GNAQ: variants seen among roughly 807,000 people sequenced by gnomAD.
The protein encoded by GNAQ is guanine nucleotide-binding protein G(q) subunit alpha.
A neutral mutation model predicts 43.9 loss-of-function variants in GNAQ; 8 were observed. The ratio of observed to expected loss-of-function variants is 0.18; its 90% CI spans 0.11 to 0.33. GNAQ has a LOEUF of 0.33. Ranked by LOEUF, GNAQ falls within the 10% of genes least tolerant of loss-of-function variation. GNAQ has a pLI of 1.00. For missense variants in GNAQ, 158 were observed against 450.8 expected, an observed-to-expected ratio of 0.35 and a Z score of 5.88; for synonymous variants, 155 against 170.7, an observed-to-expected ratio of 0.91 and a Z score of 0.71.
chr9:78,027,028 A>G (rs1240536372), intron 1 of GNAQ, among the ~76,000 whole-genome samples: 2 of 152,192 alleles, frequency 1.3e-5, no homozygotes, highest in African/African-American at 4.8e-5. Flanking sequence ...TAGCCTCTAC[A>G]CAATAAAAAG....
At chr9:77,854,332 GT>G (rs1827718478) in intron 2 of GNAQ, among the ~76,000 whole-genome samples, 1 of 152,128 alleles carries the variant, frequency 6.6e-6, no homozygotes, top group South Asian at 2.1e-4. Context: ...CCTACTTACT[GT>G]TTAGGAATTA....
intron 6 of GNAQ, among the ~76,000 whole-genome samples, chr9:77,728,000 T>G (rs902614331): frequency 6.7e-6 from 1 of 149,714 alleles, no homozygotes; most frequent in Admixed American, 6.8e-5. Flanking sequence ...GATGAGTTTC[T>G]TTTCTTTTTT....
At chr9:77,971,085 T>C (rs184394513) in intron 1 of GNAQ, among the ~76,000 whole-genome samples, 74 of 152,270 alleles carry the variant, frequency 4.9e-4, no homozygotes, top group Non-Finnish European at 8.2e-4. Context: ...CAGGAAGAAG[T>C]TGAATCCCTG....
At chr9:77,922,367 C>A (rs765029863) in intron 1 of GNAQ, 22 bp from the exon 2 acceptor site, 20 of 1,566,684 alleles carry the variant, frequency 1.3e-5, no homozygotes, top group Admixed American at 1.7e-5. Flanking sequence ...ACAATAGCAG[C>A]TCATCAGACC....
intron 1 of GNAQ, among the ~76,000 whole-genome samples, chr9:78,001,087 G>A (rs1196582625): frequency 6.6e-6 from 1 of 152,084 alleles, no homozygotes; most frequent in East Asian, 1.9e-4. Flanking sequence ...AGGAACTAAG[G>A]GCCTTGGGTT....
At position 77,768,469 on chromosome 9, in the gene GNAQ, A is replaced by G. The variant is rs143200558; in HGVS notation, c.735+25994T>C. Reference sequence around the variant, plus strand: ...TGTCTCCACCTAAGCTTGATGTTCAAGTGAAATACTGTGGAAGAAACACTG... The same window carrying G: ...TGTCTCCACCTAAGCTTGATGTTCAGGTGAAATACTGTGGAAGAAACACTG... On this transcript the variant is annotated intron_variant, in intron 5 of 6. Coordinates refer to ENST00000286548, the MANE Select transcript of GNAQ (RefSeq NM_002072.5). Among the ~76,000 whole-genome samples the G allele has an allele frequency of 1.7e-3, 260 of 152,324 alleles. 1 individual carries two copies. The highest frequency in any genetic ancestry group is 5.8e-3 in the African/African-American group (243 of 41,566).
At chr9:77,958,854 C>A (rs552819317) in intron 1 of GNAQ, among the ~76,000 whole-genome samples, 5 of 152,244 alleles carry the variant, frequency 3.3e-5, no homozygotes, top group Admixed American at 6.5e-5. Flanking sequence ...GATTTCAACC[C>A]CAAAACTAGC....
intron 2 of GNAQ, among the ~76,000 whole-genome samples, chr9:77,826,145 G>A (rs1257398643): frequency 6.6e-6 from 1 of 152,148 alleles, no homozygotes; most frequent in African/African-American, 2.4e-5. Flanking sequence ...AATAATGAGA[G>A]AGTACATATA....
At chr9:77,950,240 G>T (rs1041057703) in intron 1 of GNAQ, among the ~76,000 whole-genome samples, 16 of 152,146 alleles carry the variant, frequency 1.1e-4, no homozygotes, top group Non-Finnish European at 7.4e-5. Flanking sequence ...TCCTTACAAA[G>T]GGAATCTCCC....
At chr9:77,865,218 A>G (rs577029478) in intron 2 of GNAQ, among the ~76,000 whole-genome samples, 32 of 152,334 alleles carry the variant, frequency 2.1e-4, no homozygotes, top group African/African-American at 7.5e-4. Context: ...TCAGATCAAG[A>G]GTCAGTATAA....
Position 77,721,532 on chromosome 9 carries a change from G to A in GNAQ, c.890-19C>T. On this transcript the variant is annotated intron_variant, in intron 6 of 6. Coordinates refer to ENST00000286548, the MANE Select transcript of GNAQ (RefSeq NM_002072.5). ...TGGGGTCCTTTCGGCCAAGAGACAA[G>A]AGGGACACTTTGTTACCTAATCTGC... is the stretch of plus-strand genomic sequence containing the variant. 6.6e-7 allele frequency: 1 copy of A among 1,506,352 alleles called. No individual in the cohort carries two copies. Among genetic ancestry groups the A allele is most frequent in the Non-Finnish European group, 9.2e-7 (1 of 1,089,066 alleles). 93.3% of individuals were successfully genotyped at this position (1,506,352 alleles called of 1,614,324 possible).
chr9:77,868,304 TA>T (rs1827980506), intron 2 of GNAQ, among the ~76,000 whole-genome samples: 1 of 152,224 alleles, frequency 6.6e-6, no homozygotes, highest in African/African-American at 2.4e-5. Flanking sequence ...ACATGTGCAA[TA>T]ATCCTTTTCA....
At chr9:77,736,329 G>A (rs1031448764) in intron 5 of GNAQ, among the ~76,000 whole-genome samples, 2 of 152,130 alleles carry the variant, frequency 1.3e-5, no homozygotes, top group African/African-American at 4.8e-5. Context: ...GGTGGAGTGA[G>A]AAATAATTAA....
intron 6 of GNAQ, among the ~76,000 whole-genome samples, chr9:77,728,073 C>T (rs113695698): frequency 1.3e-5 from 2 of 152,178 alleles, no homozygotes; most frequent in African/African-American, 4.8e-5. Flanking sequence ...TGGCTCACTG[C>T]AACCTCCGCC....
intron 1 of GNAQ, among the ~76,000 whole-genome samples, chr9:78,025,769 T>C (rs1312194254): frequency 6.6e-6 from 1 of 152,184 alleles, no homozygotes; most frequent in Non-Finnish European, 1.5e-5. Context: ...TTTCTACTAA[T>C]ATTAACAGAA....
At position 77,973,426 on chromosome 9, in the gene GNAQ, G is replaced by C. The variant is rs1478802657; in HGVS notation, c.137-51081C>G. Reference sequence around the variant, plus strand: ...TCTCCCAAAAAAGCAGGTCTAACGTGTATGGAAAATGCTGTCAGCAGAAGG... The same window carrying C: ...TCTCCCAAAAAAGCAGGTCTAACGTCTATGGAAAATGCTGTCAGCAGAAGG... On this transcript the variant is annotated intron_variant, in intron 1 of 6. Coordinates refer to ENST00000286548, the MANE Select transcript of GNAQ (RefSeq NM_002072.5). 3.9e-5 allele frequency among the ~76,000 whole-genome samples: 6 copies of C among 152,182 alleles called. No homozygotes were observed. The East Asian group carries it at 1.2e-3, about 29-fold the overall frequency.
intron 3 of GNAQ, among the ~76,000 whole-genome samples, chr9:77,799,891 C>G (rs1403721626): frequency 6.6e-6 from 1 of 152,188 alleles, no homozygotes; most frequent in Admixed American, 6.5e-5. Flanking sequence ...TATTATAAAA[C>G]TGGCTGGAAG....
chr9:78,004,276 CAAAA>C (rs754254450), intron 1 of GNAQ, among the ~76,000 whole-genome samples: 1 of 82,148 alleles, frequency 1.2e-5, no homozygotes, highest in Non-Finnish European at 2.6e-5. Flanking sequence ...GACTCTGTCT[CAAAA>C]AAAAAAAAAA....
At chr9:77,754,238 T>C (rs1825863144) in intron 5 of GNAQ, among the ~76,000 whole-genome samples, 1 of 152,138 alleles carries the variant, frequency 6.6e-6, no homozygotes, top group South Asian at 2.1e-4. Context: ...ACTTAACTGC[T>C]ATGAAAATGC....
Sources: allele counts gnomAD v4.1 joint callset (sites outside exome capture counted in the v4.1 genomes callset), GRCh38; gene constraint gnomAD v4.1.1; transcripts MANE v1.5; gene names NCBI Gene and HGNC (gene_info 2026-07-23, HGNC 2026-07-21).